Variants in PLEKHA4 observed in about 807,000 individuals in gnomAD.
The protein encoded by PLEKHA4 is pleckstrin homology domain containing A4, also known as pleckstrin homology domain-containing family A member 4.
A neutral mutation model predicts 94.7 loss-of-function variants in PLEKHA4; 73 were observed. The ratio of observed to expected loss-of-function variants is 0.77; its 90% CI spans 0.64 to 0.94. The LOEUF (loss-of-function observed/expected upper bound fraction) is 0.94. Among genes scored for constraint, PLEKHA4 ranks in the 40% least tolerant of loss-of-function variants. The pLI, the probability that PLEKHA4 is intolerant of heterozygous loss-of-function variation, is 0.00. For missense variants in PLEKHA4, 1,049 were observed against 1,054.1 expected (o/e 1.00, Z 0.07); for synonymous variants, 449 against 437.1 (o/e 1.03, Z -0.34).
At position 48,859,883 on chromosome 19, in the gene PLEKHA4, G is replaced by A. The variant is rs1038923922; in HGVS notation, c.477-199C>T. On this transcript the variant is annotated intron_variant, in intron 6 of 19. Coordinates refer to ENST00000263265, the MANE Select transcript of PLEKHA4 (RefSeq NM_020904.3). ...TGCGCCAGGCCACAACGTCTATCCA[G>A]GTTGCTGGACCCAATGCCCCGGAAT... 5 of 624,416 alleles carry A rather than the reference G, an allele frequency of 8.0e-6. No individual in the cohort carries two copies. The African/African-American group carries it at 9.2e-5, about 12-fold the overall frequency. 38.7% of individuals were successfully genotyped at this position (624,416 alleles called of 1,614,324 possible). A position where few individuals can be genotyped will look rare whatever the true frequency, so the allele number is the denominator to read the frequency against.
intron 14 of PLEKHA4, 124 bp from the exon 15 acceptor site, chr19:48,845,740 C>G (rs553582423): frequency 1.3e-6 from 1 of 777,570 alleles, no homozygotes; most frequent in East Asian, 2.9e-5. Context: ...CCAGGCCGGG[C>G]GCAGTGGCTC....
chr19:48,860,876 AAGG>A (rs2036612929), intron 5 of PLEKHA4, among the ~76,000 whole-genome samples: 1 of 147,530 alleles, frequency 6.8e-6, no homozygotes, highest in Non-Finnish European at 1.5e-5. Flanking sequence ...GGAAAGGAAA[AAGG>A]AAAGGAAAGG....
chr19:48,846,232 T>A (rs1379157663), intron 14 of PLEKHA4, among the ~76,000 whole-genome samples: 5 of 151,300 alleles, frequency 3.3e-5, no homozygotes, highest in African/African-American at 1.2e-4. Context: ...GGCAGGCGGA[T>A]CACAAGGTCA....
chr19:48,865,447 A>T (rs1227703749), intron 3 of PLEKHA4, 56 bp downstream of exon 3: 6 of 1,368,528 alleles, frequency 4.4e-6, no homozygotes, highest in Non-Finnish European at 6.2e-6. Flanking sequence ...GGAGAGAGAC[A>T]GAGGACAGCC....
intron 8 of PLEKHA4, among the ~76,000 whole-genome samples, chr19:48,858,487 CGTG>C (rs1199709976): frequency 1.3e-5 from 2 of 151,870 alleles, no homozygotes; most frequent in African/African-American, 4.8e-5. Context: ...ATCAGCCGGA[CGTG>C]GTGGCAGGTG....
intron 16 of PLEKHA4, among the ~76,000 whole-genome samples, chr19:48,844,098 G>C (rs2035866892): frequency 6.7e-6 from 1 of 150,022 alleles, no homozygotes; most frequent in African/African-American, 2.4e-5. Context: ...AATACCACTG[G>C]CCAAGAAATG....
Position 48,847,902 on chromosome 19 carries a change from C to A in PLEKHA4, c.1564G>T (p.Glu522Ter). ...GGGAGGAATTATGTGCGTCTTACCT[C>A]CCTCTCTGAGGACTCCTCGCCCTGG... The part of the protein sequence containing the change: ...VLQGEESSER[E>*]SLPESLELSS... The change falls in exon 14 of 20, where the codon GAG becomes TAG. Residue 522 changes from glutamate to a stop codon, truncating the protein, a stop_gained and splice_region_variant. Coordinates refer to ENST00000263265, the MANE Select transcript of PLEKHA4 (RefSeq NM_020904.3). LOFTEE classifies it high-confidence loss of function. 6.4e-7 allele frequency: 1 copy of A among 1,562,102 alleles called. No homozygotes were observed. Among genetic ancestry groups the A allele is most frequent in the Non-Finnish European group, 8.7e-7 (1 of 1,154,660 alleles).
At position 48,862,204 on chromosome 19, in the gene PLEKHA4, C is replaced by CTTTTT. The variant is rs747491446; in HGVS notation, c.193-517_193-513dup. Among the ~76,000 whole-genome samples, 105 of 135,506 alleles carry CTTTTT rather than the reference C, an allele frequency of 7.7e-4. 2 individuals carry two copies. The highest frequency in any genetic ancestry group is 1.1e-3 in the African/African-American group (40 of 36,688). 88.9% of individuals were successfully genotyped at this position (135,506 alleles called of 152,430 possible). ...GCCCTACTTCTTTTCTTTTCTCTCT[C>CTTTTT]TTTTTTTTTTTTTTTTGACAGAGTC... On this transcript the variant is annotated intron_variant, in intron 3 of 19. Transcript: ENST00000263265.
rs548772636 is a variant in PLEKHA4 at position 48,864,003 on chromosome 19, A to C, written c.192+1500T>G. ...GGCAAATCTATGATGGTACCTCATCATTTGCCTTTCTAGCAAGTCCCCAGA... is the reference window on the plus strand; with the variant it reads ...GGCAAATCTATGATGGTACCTCATCCTTTGCCTTTCTAGCAAGTCCCCAGA... On this transcript the variant is annotated intron_variant, in intron 3 of 19. Transcript: ENST00000263265. Among the ~76,000 whole-genome samples, 15 of 152,236 alleles carry C rather than the reference A, an allele frequency of 9.9e-5. No homozygotes were observed. The South Asian group carries it at 2.9e-3, about 29-fold the overall frequency.
chr19:48,850,646 CGTCTCTCATAAAACTACAAAATT>C (rs1321557033), intron 13 of PLEKHA4, among the ~76,000 whole-genome samples: 2 of 151,384 alleles, frequency 1.3e-5, no homozygotes, highest in Non-Finnish European at 2.9e-5. Context: ...GGAGAAACCC[CGTCTCTCATAAAACTACAAAATT>C]AGCCAGACAT....
chr19:48,858,347 C>T (rs1214210175), intron 8 of PLEKHA4, among the ~76,000 whole-genome samples: 2 of 152,086 alleles, frequency 1.3e-5, no homozygotes, highest in African/African-American at 4.8e-5. Context: ...CTGGGCCAGG[C>T]GCGGTGGCTC....
chr19:48,865,188 A>G (rs759443450), intron 3 of PLEKHA4, among the ~76,000 whole-genome samples: 12 of 152,078 alleles, frequency 7.9e-5, no homozygotes, highest in Non-Finnish European at 1.5e-4. Flanking sequence ...TACTAAAAAT[A>G]CAAATATTAG....
chr19:48,837,216 A>C lies in PLEKHA4; in HGVS notation c.*73T>G. 6.2e-7 allele frequency: 1 copy of C among 1,605,570 alleles called. No individual in the cohort carries two copies. Among genetic ancestry groups the C allele is most frequent in the Non-Finnish European group, 8.5e-7 (1 of 1,172,858 alleles). On this transcript the variant is annotated 3_prime_UTR_variant, in exon 20 of 20. Coordinates refer to ENST00000263265, the MANE Select transcript of PLEKHA4 (RefSeq NM_020904.3). This position sits in a 1 kb window ranked among gnomAD's most constrained non-coding sequence, Gnocchi z 4.3. The stretch of plus-strand genomic sequence containing the variant: ...CCAGACCACGCCCCCTGATGCCCTG[A>C]GTGGTCCCAGATCTCCGGCGGTACC...
At chr19:48,845,943 G>A (rs1427506629) in intron 14 of PLEKHA4, among the ~76,000 whole-genome samples, 1 of 149,716 alleles carries the variant, frequency 6.7e-6, no homozygotes, top group Non-Finnish European at 1.5e-5. Flanking sequence ...CTCGGGAGTT[G>A]GAGGTTGCAG....
In PLEKHA4 at chr19:48,867,862, G is replaced by A. The variant is rs188735217; in HGVS notation, c.-7+221C>T. Among the ~76,000 whole-genome samples the A allele has an allele frequency of 7.9e-5, 12 of 152,158 alleles. No homozygotes were observed. Among genetic ancestry groups the A allele is most frequent in the Admixed American group, 3.3e-4 (5 of 15,302 alleles). ...GTCTGCAGCCCAGGCCAGAGAATAGGGGCTTCTTTATTCCTGCCCACTGCA... is the reference window on the plus strand; with the variant it reads ...GTCTGCAGCCCAGGCCAGAGAATAGAGGCTTCTTTATTCCTGCCCACTGCA... On this transcript the variant is annotated intron_variant, in intron 1 of 19. Coordinates refer to ENST00000263265, the MANE Select transcript of PLEKHA4 (RefSeq NM_020904.3). This position sits in a 1 kb window ranked among gnomAD's most constrained non-coding sequence, Gnocchi z 4.7.
intron 12 of PLEKHA4, 137 bp downstream of exon 12, chr19:48,853,545 A>T: frequency 1.1e-6 from 1 of 930,874 alleles, no homozygotes; most frequent in Non-Finnish European, 1.5e-6. Context: ...ATGAGGAGAG[A>T]GAAAAAATAA....
chr19:48,851,781 T>C (rs143737300), intron 13 of PLEKHA4, among the ~76,000 whole-genome samples: 15,159 of 151,530 alleles, frequency 0.1, 1,023 homozygotes, highest in Non-Finnish European at 0.15. Context: ...ATGTCTCTAC[T>C]AAAAATATAA....
At chr19:48,841,634 A>G (rs1053027714) in intron 16 of PLEKHA4, among the ~76,000 whole-genome samples, 17 of 151,386 alleles carry the variant, frequency 1.1e-4, no homozygotes, top group Non-Finnish European at 1.9e-4. Context: ...TCAAATATAT[A>G]TATATATATA....
At chr19:48,863,462 G>A (rs557538839) in intron 3 of PLEKHA4, among the ~76,000 whole-genome samples, 3 of 144,080 alleles carry the variant, frequency 2.1e-5, no homozygotes, top group South Asian at 2.1e-4. Flanking sequence ...CGGAGTCTTC[G>A]CTCTGTCACC....
Sources: allele counts gnomAD v4.1 joint callset (sites outside exome capture counted in the v4.1 genomes callset), GRCh38; gene constraint gnomAD v4.1.1; non-coding constraint Gnocchi (gnomAD v3.1); transcripts MANE v1.5; gene names NCBI Gene and HGNC (gene_info 2026-07-23, HGNC 2026-07-21).